The following SPTBN5 variants were observed in gnomAD, a reference collection of about 807,000 sequenced individuals.
SPTBN5 encodes the protein spectrin beta, non-erythrocytic 5.
In SPTBN5, 513 loss-of-function variants were observed where a neutral mutation model predicts 477.6. The observed-to-expected ratio is 1.07, with a 90% CI of 1.00 to 1.16. SPTBN5 has a LOEUF of 1.16. SPTBN5 is among the 50% of genes most tolerant of loss of function. The pLI, the probability that SPTBN5 is intolerant of heterozygous loss-of-function variation, is 0.00. For missense variants in SPTBN5, 5,062 were observed against 4,731.8 expected, an observed-to-expected ratio of 1.07 and a Z score of -2.05; for synonymous variants, 2,169 against 2,011.7, an observed-to-expected ratio of 1.08 and a Z score of -2.09.
intron 54 of SPTBN5, 24 bp downstream of exon 54, chr15:41,855,525 G>T: frequency 6.2e-7 from 1 of 1,604,028 alleles, no homozygotes. Context: ...CTGCTCCTTC[G>T]CGGATGGTGT....
Position 41,854,043 on chromosome 15 carries a change from G to A in SPTBN5, c.9774+7C>T. ...CAGACAGGCAGGCTGCAGGGCGTGG[G>A]CCTCACCTCCAGGCGCCTGTGCTGT... On this transcript the variant is annotated splice_region_variant and intron_variant, in intron 57 of 67. Coordinates refer to ENST00000320955, the MANE Select transcript of SPTBN5 (RefSeq NM_016642.4). The A allele has an allele frequency of 6.4e-7, 1 of 1,556,520 alleles. No homozygotes were observed. Among genetic ancestry groups the A allele is most frequent in the Admixed American group, 1.9e-5 (1 of 53,062 alleles).
At chr15:41,878,688 A>G in intron 16 of SPTBN5, 59 bp from the exon 17 acceptor site, 1 of 1,522,762 alleles carries the variant, frequency 6.6e-7, no homozygotes, top group East Asian at 2.4e-5. Context: ...TGCCCCAGGC[A>G]CATGTCCTCT....
chr15:41,878,308 C>T (rs747780), intron 17 of SPTBN5, 34 bp downstream of exon 17: 781,291 of 1,599,796 alleles, frequency 0.49, 196,421 homozygotes, highest in East Asian at 0.73. Context: ...TGGTCCCAGC[C>T]CAAAGTGCAC....
chr15:41,850,107 G>C, intron 66 of SPTBN5, 148 bp from the exon 67 acceptor site: 1 of 677,216 alleles, frequency 1.5e-6, no homozygotes, highest in Non-Finnish European at 2.6e-6. Flanking sequence ...GGGGTGTGGG[G>C]CGGGCTGAGC....
chr15:41,878,991 G>A (rs981123612), intron 16 of SPTBN5, among the ~76,000 whole-genome samples: 5 of 152,140 alleles, frequency 3.3e-5, no homozygotes, highest in African/African-American at 9.7e-5. Context: ...GCGTGAACCC[G>A]GGAGGCTGAG....
intron 67 of SPTBN5, 116 bp from the exon 68 acceptor site, chr15:41,848,744 G>T: frequency 1.6e-6 from 2 of 1,229,842 alleles, no homozygotes; most frequent in Non-Finnish European, 2.4e-6. Flanking sequence ...TAGAATAAGC[G>T]TGGGAGTGGA....
Position 41,862,599 on chromosome 15 carries a change from C to T in SPTBN5, c.7325G>A (p.Arg2442Lys), listed in dbSNP as rs547959848. ...QRSPEAAHGLRHRQQEVAESW... is the reference protein window; with the variant it reads ...QRSPEAAHGLKHRQQEVAESW... ...CTCAGCCACCTCCTGCTGCCTGTGCCTGAGGCCGTGGGCTGCCTCGGGGCT... is the reference window on the plus strand; with the variant it reads ...CTCAGCCACCTCCTGCTGCCTGTGCTTGAGGCCGTGGGCTGCCTCGGGGCT... The change falls in exon 43 of 68, where the codon AGG becomes AAG. Residue 2442 changes from arginine (R) to lysine (K), a missense_variant. Coordinates refer to ENST00000320955, the MANE Select transcript of SPTBN5 (RefSeq NM_016642.4). The T allele has an allele frequency of 9.3e-5, 145 of 1,559,526 alleles. 1 individual carries two copies. In the South Asian group the frequency reaches 9.9e-4, roughly 11 times the overall value.
intron 67 of SPTBN5, among the ~76,000 whole-genome samples, chr15:41,849,465 T>C (rs2065674741): frequency 6.6e-6 from 1 of 152,032 alleles, no homozygotes; most frequent in Admixed American, 6.5e-5. Context: ...CAATGTGCTG[T>C]GCCTTGGAGA....
chr15:41,876,877 C>G lies in SPTBN5; in HGVS notation c.3783G>C (p.Gly1261=). The change falls in exon 19 of 68, where the codon GGG becomes GGC. Residue 1261 remains glycine, a synonymous_variant. Transcript: ENST00000320955. ...GTGCCCGCAGAGCCTCTGCCCGAGG[C>G]CCCAGGGTGCTCAGGAGCCGCCCAA... The part of the protein sequence containing the change: ...REFGRLLSTL[G]PRAEALRAHG... The G allele has an allele frequency of 1.2e-6, 2 of 1,610,442 alleles. No homozygotes were observed. The highest frequency in any genetic ancestry group is 1.7e-6 in the Non-Finnish European group (2 of 1,179,808).
chr15:41,877,009 G>A (rs1162834190), intron 18 of SPTBN5, 61 bp from the exon 19 acceptor site: 135 of 1,583,474 alleles, frequency 8.5e-5, no homozygotes, highest in Non-Finnish European at 1.0e-4. Context: ...CATCTCACCC[G>A]CCACTGCCCC....
In SPTBN5 at chr15:41,856,400, G is replaced by T; in HGVS notation, c.9007C>A (p.Gln3003Lys). Residue 3003 changes from glutamine to lysine, a missense_variant, in exon 53 of 68, where the codon CAG (glutamine) becomes AAG (lysine). Physicochemically the swap from Gln to Lys is moderately conservative, Grantham distance 53. Transcript: ENST00000320955. ...ACTCCCCTCACCTCAGTCAGAAACT[G>T]CTGGGCCTCCTGAGCCTGCTGCAGC... is the stretch of plus-strand genomic sequence containing the variant. ...LLLQQAQEAQ[Q>K]FLTELLEAGS... The T allele has an allele frequency of 6.3e-7, 1 of 1,580,236 alleles. No homozygotes were observed. The highest frequency in any genetic ancestry group is 8.6e-7 in the Non-Finnish European group (1 of 1,160,852).
Position 41,873,891 on chromosome 15 carries a change from C to T in SPTBN5, c.4844G>A (p.Cys1615Tyr). ...CTGCAGACACTGGGCCCGCGCTTCA[C>T]ATGCCCTCTCCAGCTCTGCCCAGTG... ...EGHWAELERA[C>Y]EARAQCLQQA... Residue 1615 changes from cysteine to tyrosine, a missense_variant, in exon 25 of 68, where the codon TGT (cysteine) becomes TAT (tyrosine). Physicochemically the swap from Cys to Tyr is radical, Grantham distance 194. Coordinates refer to ENST00000320955, the MANE Select transcript of SPTBN5 (RefSeq NM_016642.4). The T allele has an allele frequency of 6.2e-7, 1 of 1,611,494 alleles. No homozygotes were observed. The highest frequency in any genetic ancestry group is 1.3e-5 in the African/African-American group (1 of 75,064).
chr15:41,858,557 T>C, intron 49 of SPTBN5, 45 bp downstream of exon 49: 1 of 1,589,496 alleles, frequency 6.3e-7, no homozygotes. Flanking sequence ...TCCTGTGTTC[T>C]GCCTGGAGAG....
Position 41,868,193 on chromosome 15 carries a change from T to C in SPTBN5, c.6083A>G (p.Gln2028Arg), listed in dbSNP as rs377543599. 52 of 1,582,412 alleles carry C rather than the reference T, an allele frequency of 3.3e-5. No homozygotes were observed. Among genetic ancestry groups the C allele is most frequent in the Non-Finnish European group, 4.2e-5 (49 of 1,164,420 alleles). ...KEVQEELRAL[Q>R]DQRDQVYQTW... ...CTGATACACCTGGTCCCGCTGGTCC[T>C]GCAGGGCTCGAAGCTCTTCCTGGAC... The change falls in exon 34 of 68, where the codon CAG (glutamine) becomes CGG (arginine). Residue 2028 changes from glutamine to arginine, a missense_variant. Physicochemically the swap from Gln to Arg is conservative, Grantham distance 43. Transcript: ENST00000320955.
chr15:41,876,733 C>A, intron 19 of SPTBN5, 76 bp downstream of exon 19: 1 of 1,598,234 alleles, frequency 6.3e-7, no homozygotes, highest in Admixed American at 1.7e-5. Flanking sequence ...CCCCTACTCT[C>A]CCAGCCCTAG....
chr15:41,851,278 G>A lies in SPTBN5; in HGVS notation c.10743+5C>T, dbSNP rs536093232. The A allele has an allele frequency of 2.4e-5, 37 of 1,551,242 alleles. No individual in the cohort carries two copies. The African/African-American group carries it at 4.9e-4, about 21-fold the overall frequency. On this transcript the variant is annotated splice_donor_5th_base_variant and intron_variant, in intron 64 of 67. Coordinates refer to ENST00000320955, the MANE Select transcript of SPTBN5 (RefSeq NM_016642.4). ...TGTCTGCATCTCCCCTACCCCGCCT[G>A]GTACCTCCGCTGCCATCCTCTCATC... is the stretch of plus-strand genomic sequence containing the variant.
Position 41,877,214 on chromosome 15 carries a change from G to T in SPTBN5, c.3613C>A (p.Gln1205Lys). ...VLWEQRQQWLQEGLELQKFGR... is the reference protein window; with the variant it reads ...VLWEQRQQWLKEGLELQKFGR... Reference sequence around the variant, plus strand: ...AACTTCTGCAGCTCCAGCCCCTCTTGCAGCCACTGCTGCCTCTGCTCCCAC... The same window carrying T: ...AACTTCTGCAGCTCCAGCCCCTCTTTCAGCCACTGCTGCCTCTGCTCCCAC... Residue 1205 changes from glutamine to lysine, a missense_variant, in exon 18 of 68, where the codon CAA becomes AAA. Transcript: ENST00000320955. The T allele has an allele frequency of 6.2e-7, 1 of 1,613,926 alleles. No homozygotes were observed. Among genetic ancestry groups the T allele is most frequent in the Non-Finnish European group, 8.5e-7 (1 of 1,179,894 alleles).
At chr15:41,877,438 G>T in intron 17 of SPTBN5, 82 bp from the exon 18 acceptor site, 1 of 1,506,924 alleles carries the variant, frequency 6.6e-7, no homozygotes, top group Non-Finnish European at 8.9e-7. Flanking sequence ...CAGGGTTCAC[G>T]CATCTTGGAT....
intron 7 of SPTBN5, among the ~76,000 whole-genome samples, chr15:41,884,653 C>T (rs535925579): frequency 2.0e-5 from 3 of 152,280 alleles, no homozygotes; most frequent in East Asian, 3.9e-4. Context: ...GATTGTGTCA[C>T]TCGTCTGCTC....
Sources: gnomAD v4.1 joint callset for allele counts (sites outside exome capture counted in the v4.1 genomes callset) on GRCh38, gnomAD v4.1.1 for gene constraint, MANE v1.5 for transcripts, NCBI Gene and HGNC (gene_info 2026-07-23, HGNC 2026-07-21) for gene names.